The following AK5 variants were observed in gnomAD, a reference collection of about 807,000 sequenced individuals.
AK5 encodes adenylate kinase isoenzyme 5.
In AK5, 27 loss-of-function variants were observed where a neutral mutation model predicts 69.5. That is an observed-to-expected ratio of 0.39 (90% CI 0.29 to 0.54). The LOEUF is 0.54. Ranked by LOEUF, AK5 falls within the 20% of genes least tolerant of loss-of-function variation. AK5 has a pLI of 0.71. For missense variants in AK5, 531 were observed against 700.4 expected (o/e 0.76, Z 2.73); for synonymous variants, 260 against 244.4 (o/e 1.06, Z -0.60).
chr1:77,502,691 C>T (rs932114271), intron 10 of AK5, among the ~76,000 whole-genome samples: 2 of 152,192 alleles, frequency 1.3e-5, no homozygotes, highest in Non-Finnish European at 2.9e-5. Context: ...AGAAGATGCT[C>T]ATCTGTGGAG....
chr1:77,316,071 A>G (rs757548739), intron 5 of AK5, among the ~76,000 whole-genome samples: 6 of 152,160 alleles, frequency 3.9e-5, no homozygotes, highest in Non-Finnish European at 7.4e-5. Flanking sequence ...AGCAGACACA[A>G]AGCATTTTTA....
intron 6 of AK5, among the ~76,000 whole-genome samples, chr1:77,368,852 A>C (rs544358754): frequency 6.6e-6 from 1 of 152,230 alleles, no homozygotes; most frequent in East Asian, 1.9e-4. Context: ...TCTTAATTTT[A>C]TGATCCAGCT....
chr1:77,342,318 C>T (rs2100387467), intron 6 of AK5, among the ~76,000 whole-genome samples: 1 of 152,308 alleles, frequency 6.6e-6, no homozygotes, highest in East Asian at 1.9e-4. Context: ...AAAGGTGTTA[C>T]CAGAGTGTCT....
chr1:77,376,816 G>A (rs1013303139), intron 6 of AK5, among the ~76,000 whole-genome samples: 30 of 152,062 alleles, frequency 2.0e-4, no homozygotes, highest in African/African-American at 6.8e-4. Context: ...ATGGCTCCTT[G>A]GGAAGCTGAG....
At position 77,559,090 on chromosome 1, in the gene AK5, C is replaced by T. The variant is rs1660291147; in HGVS notation, c.*420C>T. 6.5e-6 allele frequency: 1 copy of T among 154,354 alleles called. No homozygotes were observed. Among genetic ancestry groups the T allele is most frequent in the Non-Finnish European group, 1.4e-5 (1 of 69,586 alleles). 9.6% of individuals were successfully genotyped at this position (154,354 alleles called of 1,614,324 possible). On this transcript the variant is annotated 3_prime_UTR_variant, in exon 14 of 14. Transcript: ENST00000354567. ...CACCTTCCTCTTACATACTGTTCCC[C>T]AATGGAGGCCCCTGGCATAGGGGAC...
chr1:77,491,570 G>T (rs994580161), intron 10 of AK5, among the ~76,000 whole-genome samples: 2 of 152,148 alleles, frequency 1.3e-5, no homozygotes, highest in Non-Finnish European at 1.5e-5. Context: ...CTCCCAAAGT[G>T]CTGGGATTAC....
chr1:77,544,850 A>G (rs1659461664), intron 13 of AK5, among the ~76,000 whole-genome samples: 1 of 152,168 alleles, frequency 6.6e-6, no homozygotes, highest in African/African-American at 2.4e-5. Flanking sequence ...TAAACCAGAA[A>G]CATAGTCATT....
At chr1:77,419,908 A>AT (rs954031119) in intron 8 of AK5, among the ~76,000 whole-genome samples, 13 of 151,774 alleles carry the variant, frequency 8.6e-5, no homozygotes, top group African/African-American at 2.9e-4. Flanking sequence ...CCTGAGCAGG[A>AT]TTTTTTTTTA....
At chr1:77,321,459 C>T (rs943309767) in intron 5 of AK5, among the ~76,000 whole-genome samples, 2 of 151,004 alleles carry the variant, frequency 1.3e-5, no homozygotes, top group African/African-American at 2.4e-5. Flanking sequence ...ATAGATAGAG[C>T]GAGACTCCGT....
chr1:77,294,814 G>C (rs1437525884), intron 3 of AK5, among the ~76,000 whole-genome samples: 2 of 151,986 alleles, frequency 1.3e-5, no homozygotes, highest in Non-Finnish European at 2.9e-5. Context: ...GATCACTTGA[G>C]CCCAGGAGTT....
chr1:77,427,162 A>G (rs1276298057), intron 8 of AK5, among the ~76,000 whole-genome samples: 1 of 151,998 alleles, frequency 6.6e-6, no homozygotes, highest in African/African-American at 2.4e-5. Context: ...TAAAGCAGAA[A>G]TCAATGAAAT....
Position 77,340,905 on chromosome 1 carries a change from G to A in AK5, c.891+337G>A, listed in dbSNP as rs1441702855. Reference sequence around the variant, plus strand: ...GTCCAGTCTCTCCACTCTTTTGTCTGTCTTTGGAAGCCTAACAAAATTGAT... The same window carrying A: ...GTCCAGTCTCTCCACTCTTTTGTCTATCTTTGGAAGCCTAACAAAATTGAT... On this transcript the variant is annotated intron_variant, in intron 6 of 13. Transcript: ENST00000354567. 3 of 188,962 alleles carry A rather than the reference G, an allele frequency of 1.6e-5. No homozygotes were observed. The Admixed American group carries it at 1.7e-4, about 11-fold the overall frequency. 11.7% of individuals were successfully genotyped at this position (188,962 alleles called of 1,614,324 possible). A position where few individuals can be genotyped will look rare whatever the true frequency, so the allele number is the denominator to read the frequency against.
chr1:77,348,768 CACAA>C, intron 6 of AK5, among the ~76,000 whole-genome samples: 1 of 152,116 alleles, frequency 6.6e-6, no homozygotes, highest in Admixed American at 6.6e-5. Context: ...CACACACACA[CACAA>C]ACACATATTT....
intron 13 of AK5, among the ~76,000 whole-genome samples, chr1:77,549,554 A>G (rs982803856): frequency 8.5e-5 from 13 of 152,096 alleles, no homozygotes; most frequent in Non-Finnish European, 1.6e-4. Context: ...CATTCATTCT[A>G]TCTACCTAAA....
chr1:77,295,576 G>A (rs1174662476), intron 3 of AK5, among the ~76,000 whole-genome samples: 1 of 152,052 alleles, frequency 6.6e-6, no homozygotes, highest in Non-Finnish European at 1.5e-5. Flanking sequence ...AGAAGACAAG[G>A]AAACACTTAA....
At chr1:77,481,627 C>A (rs1430703277) in intron 8 of AK5, among the ~76,000 whole-genome samples, 1 of 152,170 alleles carries the variant, frequency 6.6e-6, no homozygotes, top group Non-Finnish European at 1.5e-5. Context: ...AACCAGACAA[C>A]CTCATTTAAC....
intron 6 of AK5, among the ~76,000 whole-genome samples, chr1:77,357,271 A>C (rs1662583580): frequency 6.6e-6 from 1 of 152,224 alleles, no homozygotes; most frequent in Non-Finnish European, 1.5e-5. Context: ...CTTTGAAGTC[A>C]CAAAGACAAG....
intron 8 of AK5, among the ~76,000 whole-genome samples, chr1:77,479,662 CTCTT>C (rs1287186556): frequency 7.9e-5 from 12 of 152,188 alleles, no homozygotes; most frequent in Non-Finnish European, 1.2e-4. Context: ...CTCTCTCTCT[CTCTT>C]TGTCAGTTCA....
At chr1:77,516,361 A>G (rs61777069) in intron 10 of AK5, among the ~76,000 whole-genome samples, 4,678 of 152,286 alleles carry the variant, frequency 0.031, 66 homozygotes, top group Middle Eastern at 0.078. Flanking sequence ...CATGATGGCT[A>G]CAGTTAACAA....
Sources: allele counts gnomAD v4.1 joint callset (sites outside exome capture counted in the v4.1 genomes callset), GRCh38; gene constraint gnomAD v4.1.1; transcripts MANE v1.5; gene names NCBI Gene and HGNC (gene_info 2026-07-23, HGNC 2026-07-21).